The following ZBTB45 variants were observed in gnomAD, a reference collection of about 807,000 sequenced individuals.
The protein encoded by ZBTB45 is zinc finger and BTB domain-containing protein 45.
A neutral mutation model predicts 28.4 loss-of-function variants in ZBTB45; 22 were observed. That is an observed-to-expected ratio of 0.77 (90% CI 0.55 to 1.10). ZBTB45 has a LOEUF of 1.10. ZBTB45 is among the 50% of genes least tolerant of loss of function. The pLI, the probability that ZBTB45 is intolerant of heterozygous loss-of-function variation, is 0.00. For missense variants in ZBTB45, 656 were observed against 750.2 expected, an observed-to-expected ratio of 0.87 and a Z score of 1.47; for synonymous variants, 361 against 332.3, an observed-to-expected ratio of 1.09 and a Z score of -0.94.
chr19:58,534,458 C>T (rs1325552968), intron 1 of ZBTB45, among the ~76,000 whole-genome samples: 1 of 150,790 alleles, frequency 6.6e-6, no homozygotes, highest in Non-Finnish European at 1.5e-5. Flanking sequence ...GGCATGATCT[C>T]AGCTCACTGC....
At chr19:58,538,230 T>G (rs1442139567) in intron 1 of ZBTB45, among the ~76,000 whole-genome samples, 1 of 152,012 alleles carries the variant, frequency 6.6e-6, no homozygotes, top group East Asian at 1.9e-4. Context: ...TCTTTTTTTT[T>G]TAAAGACAGG....
chr19:58,534,858 A>C (rs2053652635), intron 1 of ZBTB45, among the ~76,000 whole-genome samples: 1 of 134,322 alleles, frequency 7.4e-6, no homozygotes, highest in Non-Finnish European at 1.6e-5. Context: ...GCCCGACCTA[A>C]TTCTTTTTTT....
intron 1 of ZBTB45, among the ~76,000 whole-genome samples, chr19:58,536,382 C>T (rs528190263): frequency 2.0e-5 from 3 of 150,462 alleles, no homozygotes; most frequent in South Asian, 2.1e-4. Context: ...AGGAGAATGG[C>T]GTGAACCCGG....
upstream of ZBTB45, among the ~76,000 whole-genome samples, chr19:58,520,887 C>A (rs1242303845): frequency 1.3e-5 from 2 of 151,104 alleles, no homozygotes; most frequent in Non-Finnish European, 2.9e-5. Flanking sequence ...CCCATCTCTA[C>A]TAAAAATACA....
chr19:58,514,157 A>C lies in ZBTB45; in HGVS notation c.1433T>G (p.Met478Arg), dbSNP rs758084003. Reference sequence around the variant, plus strand: ...CGCGCGCTCGGGCCGGTGAGTGCGCATGTGCACGTTGAGCGAGCTCTTCTG... The same window carrying C: ...CGCGCGCTCGGGCCGGTGAGTGCGCCTGTGCACGTTGAGCGAGCTCTTCTG... ...FTQKSSLNVH[M>R]RTHRPERAPC... Residue 478 changes from methionine (M) to arginine (R), a missense_variant, in exon 3 of 3, where the codon ATG becomes AGG. Met to Arg is a moderately conservative substitution (Grantham distance 91). Coordinates refer to ENST00000594051, the MANE Select transcript of ZBTB45 (RefSeq NM_001316979.2). The C allele has an allele frequency of 1.2e-6, 2 of 1,610,852 alleles. No homozygotes were observed. Among genetic ancestry groups the C allele is most frequent in the Non-Finnish European group, 1.7e-6 (2 of 1,179,124 alleles).
exon 1 of ZBTB45, chr19:58,538,731 T>G (rs2053675086): frequency 6.6e-6 from 1 of 152,144 alleles, no homozygotes; most frequent in African/African-American, 2.4e-5. Flanking sequence ...GCGAATGGGT[T>G]TCATGGTTGT....
chr19:58,517,586 C>G lies in ZBTB45; in HGVS notation c.88G>C (p.Gly30Arg). Residue 30 changes from glycine to arginine, a missense_variant, in exon 2 of 3, where the codon GGA becomes CGA. Gly to Arg is a moderately radical substitution (Grantham distance 125). Around this residue, in one of 3 missense-constraint regions of ZBTB45, gnomAD observed 105 missense variants for 152.4 expected, o/e 0.69. Transcript: ENST00000594051. ...LETLNGQRLG[G>R]HFCDVTVRIR... ...CGCACAGTCACGTCACAGAAGTGTC[C>G]CCCAAGCCTCTGCCCATTGAGGGTC... The G allele has an allele frequency of 6.2e-7, 1 of 1,613,898 alleles. No homozygotes were observed. Among genetic ancestry groups the G allele is most frequent in the Non-Finnish European group, 8.5e-7 (1 of 1,179,980 alleles).
In ZBTB45 at chr19:58,527,690, C is replaced by T. The variant is rs146847233; in HGVS notation, c.1-10017G>A. ...AGCCACCCAGCCTTGTTCTCCCAGCCGTCTTCCTGCTGGACCCATGGTGGC... is the reference window on the plus strand; with the variant it reads ...AGCCACCCAGCCTTGTTCTCCCAGCTGTCTTCCTGCTGGACCCATGGTGGC... On this transcript the variant is annotated intron_variant, in intron 1 of 1. Transcript: ENST00000600130. Among the ~76,000 whole-genome samples, 508 of 152,314 alleles carry T rather than the reference C, an allele frequency of 3.3e-3. 3 individuals carry two copies. The highest frequency in any genetic ancestry group is 0.017 in the Middle Eastern group (5 of 294).
rs763551249 is a variant in ZBTB45 at position 58,517,312 on chromosome 19, A to G, written c.362T>C (p.Ile121Thr). 6.2e-7 allele frequency: 1 copy of G among 1,607,642 alleles called. No homozygotes were observed. Among genetic ancestry groups the G allele is most frequent in the Non-Finnish European group, 8.5e-7 (1 of 1,178,844 alleles). Residue 121 changes from isoleucine (I) to threonine (T), a missense_variant, in exon 2 of 3, where the codon ATT becomes ACT. Ile to Thr is a moderately conservative substitution (Grantham distance 89). Coordinates refer to ENST00000594051, the MANE Select transcript of ZBTB45 (RefSeq NM_001316979.2). ...GCCCGGGGCTCGAGCGCGGGCGATA[A>G]TCTGCGTGCATTCGTCGATAACTGT... ...IQTVIDECTQ[I>T]IARARAPGTS... is the part of the protein sequence containing the mutation.
Position 58,516,713 on chromosome 19 carries a change from C to T in ZBTB45, c.961G>A (p.Gly321Ser). The change falls in exon 2 of 3, where the codon GGT becomes AGT. Residue 321 changes from glycine to serine, a missense_variant. Gly to Ser is a moderately conservative substitution (Grantham distance 56). Around this residue, in one of 3 missense-constraint regions of ZBTB45, gnomAD observed 448 missense variants for 444.3 expected, o/e 1.01. Transcript: ENST00000594051. This position sits in a 1 kb window ranked among gnomAD's most constrained non-coding sequence, Gnocchi z 6.2. ...ACGGGCGGCCCTGGGGTCTTCACAC[C>T]AGGCGGGCGGGATCCAGACAGTATG... Reference protein sequence around the residue: ...DCILSGSRPPGVKTPGPPVAL... With the variant: ...DCILSGSRPPSVKTPGPPVAL... 2 of 1,597,398 alleles carry T rather than the reference C, an allele frequency of 1.3e-6. No homozygotes were observed. Among genetic ancestry groups the T allele is most frequent in the South Asian group, 1.1e-5 (1 of 88,272 alleles).
At chr19:58,518,735 C>T (rs1040083839) in intron 1 of ZBTB45, among the ~76,000 whole-genome samples, 1 of 152,038 alleles carries the variant, frequency 6.6e-6, no homozygotes. Flanking sequence ...ATGAGATACT[C>T]GGCTCATCCC....
At chr19:58,537,940 C>T (rs144151229) in intron 1 of ZBTB45, among the ~76,000 whole-genome samples, 1 of 151,784 alleles carries the variant, frequency 6.6e-6, no homozygotes, top group Admixed American at 6.6e-5. Context: ...CAGGTTCAAG[C>T]GATTCTCCTG....
At chr19:58,529,259 G>T (rs1044170615) in intron 1 of ZBTB45, among the ~76,000 whole-genome samples, 1 of 152,018 alleles carries the variant, frequency 6.6e-6, no homozygotes, top group Non-Finnish European at 1.5e-5. Flanking sequence ...GAGCAACATG[G>T]CAAACCCTGT....
At chr19:58,532,466 T>G (rs984133852) in intron 1 of ZBTB45, among the ~76,000 whole-genome samples, 1 of 152,146 alleles carries the variant, frequency 6.6e-6, no homozygotes, top group African/African-American at 2.4e-5. Context: ...AAAATCAAGG[T>G]GCAGGCAAAG....
chr19:58,514,366 C>G, intron 2 of ZBTB45, 56 bp from the exon 3 acceptor site: 1 of 1,323,220 alleles, frequency 7.6e-7, no homozygotes, highest in Non-Finnish European at 9.7e-7. Flanking sequence ...CTCCCCGCCC[C>G]CACCCCACCC....
At chr19:58,536,465 CAAA>C (rs768760907) in intron 1 of ZBTB45, among the ~76,000 whole-genome samples, 15 of 76,124 alleles carry the variant, frequency 2.0e-4, no homozygotes, top group East Asian at 1.9e-3. Context: ...GACGCCGTCT[CAAA>C]AAAAAAAAAA....
rs564559912 is a variant in ZBTB45 at position 58,516,249 on chromosome 19, C to T, written c.1279+146G>A. On this transcript the variant is annotated intron_variant, in intron 2 of 2. Coordinates refer to ENST00000594051, the MANE Select transcript of ZBTB45 (RefSeq NM_001316979.2). This position sits in a 1 kb window ranked among gnomAD's most constrained non-coding sequence, Gnocchi z 6.2. ...GCTTTCCCCTCCCCCACATACCTTG[C>T]ACTTGGGGGAAGGCTCAATTTCTAG... 4.9e-4 allele frequency: 511 copies of T among 1,035,240 alleles called. 2 individuals carry two copies. In the South Asian group the frequency reaches 7.5e-3, roughly 15 times the overall value. 64.1% of individuals were successfully genotyped at this position (1,035,240 alleles called of 1,614,324 possible). A position where few individuals can be genotyped will look rare whatever the true frequency, so the allele number is the denominator to read the frequency against.
In ZBTB45 at chr19:58,517,172, C is replaced by A; in HGVS notation, c.502G>T (p.Ala168Ser). ...AARPPGHPGA[A>S]HSRKQRQPAR... ...GGCTGGCGCTGCTTACGGCTGTGTG[C>A]AGCACCGGGGTGCCCCGGGGGACGT... The change falls in exon 2 of 3, where the codon GCA becomes TCA. Residue 168 changes from alanine (A) to serine (S), a missense_variant. Coordinates refer to ENST00000594051, the MANE Select transcript of ZBTB45 (RefSeq NM_001316979.2). The A allele has an allele frequency of 6.2e-7, 1 of 1,609,732 alleles. No individual in the cohort carries two copies.
upstream of ZBTB45, among the ~76,000 whole-genome samples, chr19:58,523,519 C>A (rs976510565): frequency 6.6e-6 from 1 of 151,906 alleles, no homozygotes; most frequent in Non-Finnish European, 1.5e-5. Context: ...CCATCTCTAG[C>A]TGGGCATGGT....
Sources: gnomAD v4.1 joint callset for allele counts (sites outside exome capture counted in the v4.1 genomes callset) on GRCh38, gnomAD v4.1.1 for gene constraint, gnomAD v4.1.1 regional missense constraint, Gnocchi (gnomAD v3.1) non-coding constraint, MANE v1.5 for transcripts, NCBI Gene and HGNC (gene_info 2026-07-23, HGNC 2026-07-21) for gene names.